Variants in DNAJC13 observed in about 807,000 individuals in gnomAD.
DNAJC13 encodes the protein dnaJ homolog subfamily C member 13.
DNAJC13 carries 75 observed loss-of-function variants against 290.5 expected under a neutral mutation model. That is an observed-to-expected ratio of 0.26 (90% CI 0.21 to 0.31). The LOEUF is 0.31. Among genes scored for constraint, DNAJC13 ranks in the 10% least tolerant of loss-of-function variants. The probability of loss-of-function intolerance (pLI) is 1.00; values close to 1 mark genes in which losing one functional copy is unlikely to be tolerated. For synonymous variants in DNAJC13, 862 were observed against 892.0 expected, an observed-to-expected ratio of 0.97 and a Z score of 0.60; for missense variants, 2,260 against 2,674.5, an observed-to-expected ratio of 0.85 and a Z score of 3.42.
At position 132,463,788 on chromosome 3, in the gene DNAJC13, A is replaced by C. The variant is rs748404098; in HGVS notation, c.1863A>C (p.Ile621=). ...PRHLHTAMFT[I]SSDQRMLTNR... ...ACTTGCATACTGCGATGTTTACAAT[A>C]AGCTCAGATCAAAGGATGCTTACAA... is the stretch of plus-strand genomic sequence containing the variant. The change falls in exon 17 of 56, where the codon ATA becomes ATC. Residue 621 remains isoleucine, a synonymous_variant. Coordinates refer to ENST00000260818, the MANE Select transcript of DNAJC13 (RefSeq NM_015268.4). 6.2e-7 allele frequency: 1 copy of C among 1,613,282 alleles called. No individual in the cohort carries two copies. The highest frequency in any genetic ancestry group is 1.7e-5 in the Admixed American group (1 of 59,992).
chr3:132,508,547 A>C lies in DNAJC13; in HGVS notation c.5115+1194A>C, dbSNP rs534235079. On this transcript the variant is annotated intron_variant, in intron 43 of 55. Transcript: ENST00000260818. ...AATCCTAGGAACTTTGAGAATGATA[A>C]ATCTGTTCTCACTTATAGGTAGAGG... Among the ~76,000 whole-genome samples the C allele has an allele frequency of 5.2e-3, 793 of 152,250 alleles. 3 individuals carry two copies. Among genetic ancestry groups the C allele is most frequent in the Non-Finnish European group, 9.3e-3 (633 of 68,016 alleles).
intron 20 of DNAJC13, among the ~76,000 whole-genome samples, chr3:132,471,235 G>C (rs1405341156): frequency 2.3e-4 from 32 of 140,022 alleles, no homozygotes; most frequent in Admixed American, 9.6e-4. Context: ...CGGCTGGCCG[G>C]GCGGGGGGCT....
In DNAJC13 at chr3:132,466,069, T is replaced by C; in HGVS notation, c.1967T>C (p.Leu656Ser). The change falls in exon 18 of 56, where the codon TTG becomes TCG. Residue 656 changes from leucine (L) to serine (S), a missense_variant and splice_region_variant. Coordinates refer to ENST00000260818, the MANE Select transcript of DNAJC13 (RefSeq NM_015268.4). ...GCAACAAACTTGTTGAAACGCATTT[T>C]GGTAAGTCAGTTGAGAAATTAGGTT... The part of the protein sequence containing the change: ...ATATNLLKRI[L>S]PPGLLAYLES... The C allele has an allele frequency of 6.2e-7, 1 of 1,613,430 alleles. No homozygotes were observed. Among genetic ancestry groups the C allele is most frequent in the Non-Finnish European group, 8.5e-7 (1 of 1,179,368 alleles).
chr3:132,518,166 G>A (rs776284292), intron 48 of DNAJC13, among the ~76,000 whole-genome samples: 12 of 152,210 alleles, frequency 7.9e-5, no homozygotes, highest in Non-Finnish European at 1.0e-4. Flanking sequence ...CCATTAACTC[G>A]TCAATAGTGT....
At position 132,488,367 on chromosome 3, in the gene DNAJC13, A is replaced by G. The variant is rs1426818368; in HGVS notation, c.3337A>G (p.Asn1113Asp). 6 of 1,613,654 alleles carry G rather than the reference A, an allele frequency of 3.7e-6. No homozygotes were observed. Among genetic ancestry groups the G allele is most frequent in the Non-Finnish European group, 4.2e-6 (5 of 1,179,842 alleles). The change falls in exon 30 of 56, where the codon AAC (asparagine) becomes GAC (aspartate). Residue 1113 changes from asparagine to aspartate, a missense_variant. This residue lies in a region of DNAJC13 where 1,494 missense variants were observed against 1,693.7 expected (regional missense o/e 0.88). Transcript: ENST00000260818. The part of the protein sequence containing the change: ...AILLYHIMQD[N>D]PQLPRLYLSG... ...TTTGTTATACCATATCATGCAAGAT[A>G]ACCCACAGTTACCCCGCCTTTATCT...
chr3:132,508,555 C>T (rs771718385), intron 43 of DNAJC13, among the ~76,000 whole-genome samples: 5 of 152,124 alleles, frequency 3.3e-5, no homozygotes, highest in African/African-American at 1.2e-4. Flanking sequence ...TAAATCTGTT[C>T]TCACTTATAG....
chr3:132,466,257 T>C (rs1355056906), intron 18 of DNAJC13, 42 bp from the exon 19 acceptor site: 2 of 1,554,192 alleles, frequency 1.3e-6, no homozygotes, highest in South Asian at 1.2e-5. Flanking sequence ...AGGCTAAATT[T>C]TCTTTTTCAC....
At chr3:132,489,277 T>C (rs1332207248) in intron 31 of DNAJC13, among the ~76,000 whole-genome samples, 1 of 152,192 alleles carries the variant, frequency 6.6e-6, no homozygotes, top group Non-Finnish European at 1.5e-5. Context: ...GACACCTCCA[T>C]GAATATAAGT....
At chr3:132,475,993 G>A (rs931940480) in intron 22 of DNAJC13, among the ~76,000 whole-genome samples, 2 of 151,982 alleles carry the variant, frequency 1.3e-5, no homozygotes, top group Non-Finnish European at 2.9e-5. Context: ...GACTGCAGTG[G>A]TGCCATCTTT....
chr3:132,525,272 A>ATG (rs1244208881), intron 51 of DNAJC13, among the ~76,000 whole-genome samples: 1 of 152,152 alleles, frequency 6.6e-6, no homozygotes, highest in Non-Finnish European at 1.5e-5. Flanking sequence ...CCTGGGAGGC[A>ATG]GAGGTTGTGG....
In DNAJC13 at chr3:132,500,858, T is replaced by C; in HGVS notation, c.4481T>C (p.Ile1494Thr). The part of the protein sequence containing the change: ...AAQFEECREK[I>T]TEMPSIIKDL... The stretch of plus-strand genomic sequence containing the variant: ...CAGTTTGAGGAATGCCGAGAGAAGA[T>C]CACGGAAATGCCTAGCATCATCAAG... Residue 1494 changes from isoleucine to threonine, a missense_variant, in exon 39 of 56, where the codon ATC becomes ACC. Transcript: ENST00000260818. 3 of 1,614,070 alleles carry C rather than the reference T, an allele frequency of 1.9e-6. No individual in the cohort carries two copies. The highest frequency in any genetic ancestry group is 2.5e-6 in the Non-Finnish European group (3 of 1,179,958).
At chr3:132,499,418 A>C (rs1304919216) in intron 37 of DNAJC13, 108 bp downstream of exon 37, 11 of 962,126 alleles carry the variant, frequency 1.1e-5, no homozygotes, top group Non-Finnish European at 1.5e-5. Context: ...AATTTATTTC[A>C]GCAGATAACA....
At chr3:132,427,095 G>T (rs920272212) in intron 1 of DNAJC13, among the ~76,000 whole-genome samples, 3 of 147,826 alleles carry the variant, frequency 2.0e-5, no homozygotes, top group Non-Finnish European at 3.0e-5. Flanking sequence ...GTGTGTGTGT[G>T]TGTGTGTGCA....
intron 51 of DNAJC13, among the ~76,000 whole-genome samples, chr3:132,525,234 G>A (rs558470263): frequency 2.6e-5 from 4 of 152,274 alleles, no homozygotes; most frequent in East Asian, 1.9e-4. Context: ...CAGCTACTTG[G>A]GAGGCTGAGG....
At chr3:132,486,082 CTTTTTTTTTT>C (rs758049804) in intron 29 of DNAJC13, among the ~76,000 whole-genome samples, 32 of 40,524 alleles carry the variant, frequency 7.9e-4, no homozygotes, top group Non-Finnish European at 1.0e-3. Flanking sequence ...ATGCCCTATC[CTTTTTTTTTT>C]TTTTTTTTTT....
At chr3:132,453,563 T>C (rs1933488967) in intron 7 of DNAJC13, 36 bp from the exon 8 acceptor site, 1 of 1,608,414 alleles carries the variant, frequency 6.2e-7, no homozygotes, top group Non-Finnish European at 8.5e-7. Flanking sequence ...TTTTAAAAAA[T>C]AACTTCTTAA....
intron 20 of DNAJC13, among the ~76,000 whole-genome samples, chr3:132,469,388 G>A (rs897439643): frequency 6.6e-6 from 1 of 152,150 alleles, no homozygotes; most frequent in Non-Finnish European, 1.5e-5. Flanking sequence ...GCTCTGTGCT[G>A]GATTAGTAGT....
rs751515510 is a variant in DNAJC13, at chr3:132,474,950, C to T, written c.2310C>T (p.Ala770=). The part of the protein sequence containing the change: ...LFYYRFGQDH[A]RSNLIWNFKT... ...TGTCTAGGTTTGGTCAAGACCATGC[C>T]AGGTCAAACCTTATTTGGAATTTCA... The change falls in exon 22 of 56, where the codon GCC becomes GCT. Residue 770 remains alanine (A), a synonymous_variant. Transcript: ENST00000260818. The T allele has an allele frequency of 1.3e-5, 21 of 1,604,408 alleles. No individual in the cohort carries two copies. Among genetic ancestry groups the T allele is most frequent in the Non-Finnish European group, 1.8e-5 (21 of 1,175,232 alleles).
At chr3:132,512,944 T>C in intron 44 of DNAJC13, 64 bp from the exon 45 acceptor site, 1 of 1,363,304 alleles carries the variant, frequency 7.3e-7, no homozygotes. Context: ...TGTATATCGG[T>C]TTTCTGAAGT....
Sources: gnomAD v4.1 joint callset for allele counts (sites outside exome capture counted in the v4.1 genomes callset) on GRCh38, gnomAD v4.1.1 for gene constraint, gnomAD v4.1.1 regional missense constraint, MANE v1.5 for transcripts, NCBI Gene and HGNC (gene_info 2026-07-23, HGNC 2026-07-21) for gene names.